Variants in MRPL35 observed in about 807,000 individuals in gnomAD.
MRPL35 encodes large ribosomal subunit protein bL35m.
MRPL35 carries 18 observed loss-of-function variants against 21.6 expected under a neutral mutation model. The ratio of observed to expected loss-of-function variants is 0.83; its 90% CI spans 0.58 to 1.24. The LOEUF (loss-of-function observed/expected upper bound fraction) is 1.24. Ranked by LOEUF, MRPL35 falls within the 50% of genes most tolerant of loss-of-function variation. The pLI is 0.00. For synonymous variants in MRPL35, 87 were observed against 86.9 expected (o/e 1.00, Z -0.01); for missense variants, 223 against 223.2 (o/e 1.00, Z 0.01).
intron 3 of MRPL35, among the ~76,000 whole-genome samples, chr2:86,208,092 T>C (rs1673837447): frequency 6.6e-6 from 1 of 152,214 alleles, no homozygotes; most frequent in African/African-American, 2.4e-5. Flanking sequence ...GAAAGGATTC[T>C]CCCGTTTTAT....
intron 1 of MRPL35, among the ~76,000 whole-genome samples, chr2:86,202,557 T>C (rs561020017): frequency 1.3e-5 from 2 of 152,330 alleles, no homozygotes; most frequent in South Asian, 4.1e-4. Flanking sequence ...TTCCAAAGAT[T>C]ACCTCCTGCC....
intron 1 of MRPL35, among the ~76,000 whole-genome samples, chr2:86,204,001 T>A (rs1187386158): frequency 6.6e-6 from 1 of 152,002 alleles, no homozygotes; most frequent in Non-Finnish European, 1.5e-5. Flanking sequence ...TTTTTTTTTT[T>A]GAGATGGAGT....
At position 86,211,991 on chromosome 2, in the gene MRPL35, G is replaced by C; in HGVS notation, c.*1323G>C. On this transcript the variant is annotated 3_prime_UTR_variant, in exon 4 of 4. Transcript: ENST00000337109. ...GGGCAGGGAAGCAGCACTGAGTAAA[G>C]TTCAATTGAGTGGTTACAGTCTAGG... 1.0e-6 allele frequency: 1 copy of C among 990,724 alleles called. No homozygotes were observed. The highest frequency in any genetic ancestry group is 4.6e-5 in the South Asian group (1 of 21,728). The allele number at this position is 990,724 out of a possible 1,614,324, so 61.4% of individuals were successfully genotyped here.
chr2:86,212,204 C>T lies in MRPL35; in HGVS notation c.*1536C>T. 7.7e-7 allele frequency: 1 copy of T among 1,306,744 alleles called. No individual in the cohort carries two copies. Among genetic ancestry groups the T allele is most frequent in the South Asian group, 2.3e-5 (1 of 43,636 alleles). The allele number at this position is 1,306,744 out of a possible 1,614,324, so 80.9% of individuals were successfully genotyped here. A position where few individuals can be genotyped will look rare whatever the true frequency, so the allele number is the denominator to read the frequency against. On this transcript the variant is annotated 3_prime_UTR_variant, in exon 4 of 4. Coordinates refer to ENST00000337109, the MANE Select transcript of MRPL35 (RefSeq NM_016622.4). The stretch of plus-strand genomic sequence containing the variant: ...AAATTATGAAATTGAAGTTCTGCAG[C>T]ATGTCAGGCCAGGATTATTAGGGAG...
chr2:86,205,462 G>C lies in MRPL35; in HGVS notation c.44-644G>C, dbSNP rs1673770390. On this transcript the variant is annotated intron_variant, in intron 1 of 3. Transcript: ENST00000337109. Reference sequence around the variant, plus strand: ...AAGAAGAGGTGGAGGAGTTAGAAGGGGAGGCTGGAAAGGCAGGCATACTCG... The same window carrying C: ...AAGAAGAGGTGGAGGAGTTAGAAGGCGAGGCTGGAAAGGCAGGCATACTCG... Among the ~76,000 whole-genome samples the C allele has an allele frequency of 2.0e-5, 3 of 152,044 alleles. No individual in the cohort carries two copies. In the South Asian group the frequency reaches 6.2e-4, roughly 32 times the overall value.
In MRPL35 at chr2:86,206,356, G is replaced by A. The variant is rs138551687; in HGVS notation, c.233+61G>A. On this transcript the variant is annotated intron_variant, in intron 2 of 3. Coordinates refer to ENST00000337109, the MANE Select transcript of MRPL35 (RefSeq NM_016622.4). ...TTTGTTTTTTGTTTTTTTTTGAGACGGAGTCTCACTCTGTTGCCCAGGCCA... is the reference window on the plus strand; with the variant it reads ...TTTGTTTTTTGTTTTTTTTTGAGACAGAGTCTCACTCTGTTGCCCAGGCCA... 1,665 of 1,450,166 alleles carry A rather than the reference G, an allele frequency of 1.1e-3. 9 individuals are homozygous for A. In the African/African-American group the frequency reaches 0.018, roughly 16 times the overall value. 89.8% of individuals were successfully genotyped at this position (1,450,166 alleles called of 1,614,324 possible).
rs758241315 is a variant in MRPL35 at position 86,199,495 on chromosome 2, C to T, written c.5C>T (p.Ala2Val). The T allele has an allele frequency of 2.5e-6, 4 of 1,614,168 alleles. No individual in the cohort carries two copies. The highest frequency in any genetic ancestry group is 4.5e-5 in the East Asian group (2 of 44,882). Residue 2 changes from alanine (A) to valine (V), a missense_variant, in exon 1 of 4, where the codon GCT becomes GTT. By Grantham distance (64) the Ala-to-Val change is moderately conservative. Transcript: ENST00000337109. Reference protein sequence around the residue: MAASAFAGAVRA... With the variant: MVASAFAGAVRA... ...CCGCCGTAGGCGAAGGTGAAGATGG[C>T]TGCCTCTGCCTTTGCTGGTGCAGTG...
chr2:86,213,666 G>C lies in MRPL35; in HGVS notation c.*2998G>C, dbSNP rs1209348004. The C allele has an allele frequency of 9.7e-6, 15 of 1,550,354 alleles. No individual in the cohort carries two copies. Among genetic ancestry groups the C allele is most frequent in the African/African-American group, 1.4e-5 (1 of 73,144 alleles). ...TGCAGATGAAGAAATGTTCAGAGAA[G>C]AAAAATGATGGACCAAACGTCTGTT... On this transcript the variant is annotated 3_prime_UTR_variant, in exon 4 of 4. Coordinates refer to ENST00000337109, the MANE Select transcript of MRPL35 (RefSeq NM_016622.4).
rs932781780 is a variant in MRPL35, at chr2:86,205,229, A to G, written c.44-877A>G. Reference sequence around the variant, plus strand: ...CACAGAGTAAGACCCTGCCTCAAAAAAAGAATTTTAAAAACATATATCCTG... The same window carrying G: ...CACAGAGTAAGACCCTGCCTCAAAAGAAGAATTTTAAAAACATATATCCTG... On this transcript the variant is annotated intron_variant, in intron 1 of 3. Coordinates refer to ENST00000337109, the MANE Select transcript of MRPL35 (RefSeq NM_016622.4). Among the ~76,000 whole-genome samples the G allele has an allele frequency of 5.3e-5, 8 of 152,222 alleles. No individual in the cohort carries two copies. In the South Asian group the frequency reaches 1.2e-3, roughly 24 times the overall value.
Position 86,212,479 on chromosome 2 carries a change from C to T in MRPL35, c.*1811C>T. The T allele has an allele frequency of 1.2e-6, 2 of 1,613,284 alleles. No individual in the cohort carries two copies. Among genetic ancestry groups the T allele is most frequent in the Non-Finnish European group, 1.7e-6 (2 of 1,179,660 alleles). ...CCACATCTTTGTCACCTGCCTGGCTCCTGCTCTCTGATGTACCTCTGGGTA... is the reference window on the plus strand; with the variant it reads ...CCACATCTTTGTCACCTGCCTGGCTTCTGCTCTCTGATGTACCTCTGGGTA... On this transcript the variant is annotated 3_prime_UTR_variant, in exon 4 of 4. Coordinates refer to ENST00000337109, the MANE Select transcript of MRPL35 (RefSeq NM_016622.4).
intron 1 of MRPL35, among the ~76,000 whole-genome samples, chr2:86,204,397 T>A (rs933974259): frequency 7.2e-5 from 11 of 151,972 alleles, no homozygotes; most frequent in Non-Finnish European, 1.3e-4. Flanking sequence ...GTACAACCAT[T>A]ACCACATTCC....
rs1673960646 is a variant in MRPL35 at position 86,213,645 on chromosome 2, G to C, written c.*2977G>C. The C allele has an allele frequency of 1.9e-6, 3 of 1,550,384 alleles. No individual in the cohort carries two copies. The highest frequency in any genetic ancestry group is 2.4e-5 in the East Asian group (1 of 40,930). On this transcript the variant is annotated 3_prime_UTR_variant, in exon 4 of 4. Coordinates refer to ENST00000337109, the MANE Select transcript of MRPL35 (RefSeq NM_016622.4). ...CTGCACAGGCACTCCCCCATTTGCA[G>C]ATGAAGAAATGTTCAGAGAAGAAAA...
intron 1 of MRPL35, among the ~76,000 whole-genome samples, chr2:86,204,500 G>C (rs1673753966): frequency 6.7e-6 from 1 of 148,856 alleles, no homozygotes; most frequent in African/African-American, 2.5e-5. Flanking sequence ...TCATCCTGCG[G>C]AACTTTTTTA....
chr2:86,212,049 C>G lies in MRPL35; in HGVS notation c.*1381C>G. On this transcript the variant is annotated 3_prime_UTR_variant, in exon 4 of 4. Coordinates refer to ENST00000337109, the MANE Select transcript of MRPL35 (RefSeq NM_016622.4). ...TTCCCAACTCTCCGATCAGAATCATCTGGGAAGCATTTTCAAACAGCAAAG... is the reference window on the plus strand; with the variant it reads ...TTCCCAACTCTCCGATCAGAATCATGTGGGAAGCATTTTCAAACAGCAAAG... The G allele has an allele frequency of 9.5e-7, 1 of 1,052,466 alleles. No individual in the cohort carries two copies. The highest frequency in any genetic ancestry group is 3.2e-5 in the South Asian group (1 of 31,646). The allele number at this position is 1,052,466 out of a possible 1,614,324, so 65.2% of individuals were successfully genotyped here. A position where few individuals can be genotyped will look rare whatever the true frequency, so the allele number is the denominator to read the frequency against.
intron 1 of MRPL35, among the ~76,000 whole-genome samples, chr2:86,200,069 C>T (rs1032120098): frequency 2.6e-5 from 4 of 152,118 alleles, no homozygotes; most frequent in African/African-American, 9.7e-5. Flanking sequence ...GACTTCTTGA[C>T]TGAGAGATAG....
chr2:86,206,604 A>G (rs1377312603), intron 2 of MRPL35, among the ~76,000 whole-genome samples: 1 of 152,192 alleles, frequency 6.6e-6, no homozygotes, highest in Non-Finnish European at 1.5e-5. Flanking sequence ...TTCTTTGCCT[A>G]CCTGCAGTTA....
chr2:86,202,160 G>A (rs571295731), intron 1 of MRPL35, among the ~76,000 whole-genome samples: 5 of 152,284 alleles, frequency 3.3e-5, no homozygotes, highest in Admixed American at 1.3e-4. Flanking sequence ...ACCAGAAGGC[G>A]CAGTAGATAG....
chr2:86,209,582 T>C (rs1673863008), intron 3 of MRPL35, among the ~76,000 whole-genome samples: 1 of 152,224 alleles, frequency 6.6e-6, no homozygotes, highest in Non-Finnish European at 1.5e-5. Flanking sequence ...GGTTAACCAT[T>C]CCTTCACCAC....
At position 86,213,635 on chromosome 2, in the gene MRPL35, C is replaced by T; in HGVS notation, c.*2967C>T. 6.4e-7 allele frequency: 1 copy of T among 1,550,448 alleles called. No homozygotes were observed. The highest frequency in any genetic ancestry group is 8.7e-7 in the Non-Finnish European group (1 of 1,146,906). On this transcript the variant is annotated 3_prime_UTR_variant, in exon 4 of 4. Transcript: ENST00000337109. ...CTGTTGTCACCTGCACAGGCACTCC[C>T]CCATTTGCAGATGAAGAAATGTTCA...
Sources: allele counts gnomAD v4.1 joint callset (sites outside exome capture counted in the v4.1 genomes callset), GRCh38; gene constraint gnomAD v4.1.1; transcripts MANE v1.5; gene names NCBI Gene and HGNC (gene_info 2026-07-23, HGNC 2026-07-21).